Variants in EYA4 observed in about 807,000 individuals in gnomAD.
The protein encoded by EYA4 is protein phosphatase EYA4.
In EYA4, 31 loss-of-function variants were observed where a neutral mutation model predicts 87.9. That is an observed-to-expected ratio of 0.35 (90% CI 0.27 to 0.48). The LOEUF (loss-of-function observed/expected upper bound fraction) is 0.48, where lower values mean the gene tolerates loss of function less well. Among genes scored for constraint, EYA4 ranks in the 20% least tolerant of loss-of-function variants. EYA4 has a pLI of 0.99. For missense variants in EYA4, 678 were observed against 761.4 expected (o/e 0.89, Z 1.29); for synonymous variants, 263 against 270.6 (o/e 0.97, Z 0.28).
At chr6:133,334,399 T>TTTCAATGTGATTTGTTCATTTGCAG (rs1782208700) in intron 2 of EYA4, among the ~76,000 whole-genome samples, 2 of 152,228 alleles carry the variant, frequency 1.3e-5, no homozygotes. Context: ...GGAACTTTTC[T>TTTCAATGTGATTTGTTCATTTGCAG]TTCAATGTGA....
At chr6:133,441,528 G>A (rs1291692515) in intron 3 of EYA4, among the ~76,000 whole-genome samples, 6 of 152,192 alleles carry the variant, frequency 3.9e-5, no homozygotes, top group Admixed American at 3.9e-4. Flanking sequence ...CAGAGGGAAA[G>A]GGGTTCTTAC....
intron 13 of EYA4, among the ~76,000 whole-genome samples, chr6:133,483,580 C>G (rs1452471029): frequency 6.6e-6 from 1 of 151,780 alleles, no homozygotes. Flanking sequence ...CACATATGAA[C>G]AGCAACCGAG....
chr6:133,417,562 G>A (rs899979254), intron 3 of EYA4, among the ~76,000 whole-genome samples: 4 of 152,046 alleles, frequency 2.6e-5, no homozygotes, highest in African/African-American at 9.7e-5. Context: ...TTTGTACTTG[G>A]TAGTTAGAAT....
chr6:133,407,195 A>G (rs1465530873), intron 3 of EYA4, among the ~76,000 whole-genome samples: 1 of 151,462 alleles, frequency 6.6e-6, no homozygotes, highest in Non-Finnish European at 1.5e-5. Context: ...CAGTTTATCA[A>G]CCACTTGTTA....
intron 3 of EYA4, among the ~76,000 whole-genome samples, chr6:133,385,298 C>T (rs1412353316): frequency 2.8e-5 from 3 of 106,658 alleles, no homozygotes; most frequent in East Asian, 5.2e-4. Flanking sequence ...GACTCTGTCT[C>T]AAAAAAAAAA....
chr6:133,303,154 A>C (rs1779542809), intron 2 of EYA4, among the ~76,000 whole-genome samples: 1 of 152,216 alleles, frequency 6.6e-6, no homozygotes, highest in African/African-American at 2.4e-5. Flanking sequence ...ATAATGATGC[A>C]GGCTTACACT....
At chr6:133,251,855 G>T (rs369673521) in intron 1 of EYA4, among the ~76,000 whole-genome samples, 5 of 152,244 alleles carry the variant, frequency 3.3e-5, no homozygotes, top group African/African-American at 1.2e-4. Flanking sequence ...CTGCATAAGA[G>T]GATTGTTCTA....
chr6:133,324,409 T>A (rs942875299), intron 2 of EYA4, among the ~76,000 whole-genome samples: 13 of 152,312 alleles, frequency 8.5e-5, no homozygotes, highest in East Asian at 3.9e-4. Context: ...TTGTTTGTTT[T>A]CTGGGGTTAC....
At chr6:133,358,440 A>G (rs1408357319) in intron 2 of EYA4, among the ~76,000 whole-genome samples, 3 of 152,236 alleles carry the variant, frequency 2.0e-5, no homozygotes, top group Non-Finnish European at 4.4e-5. Context: ...TTTGTTGGAA[A>G]TGCATCTATA....
chr6:133,354,266 A>G (rs138153607), intron 2 of EYA4, among the ~76,000 whole-genome samples: 1 of 152,180 alleles, frequency 6.6e-6, no homozygotes, highest in Non-Finnish European at 1.5e-5. Flanking sequence ...TATGAATTCC[A>G]GAGAGGTGGA....
chr6:133,301,503 A>G (rs1251745266), intron 2 of EYA4, among the ~76,000 whole-genome samples: 1 of 152,244 alleles, frequency 6.6e-6, no homozygotes, highest in African/African-American at 2.4e-5. Flanking sequence ...GTGAATGAAA[A>G]TAGCTGCACA....
chr6:133,396,974 G>A (rs1005052117), intron 3 of EYA4, among the ~76,000 whole-genome samples: 1 of 152,300 alleles, frequency 6.6e-6, no homozygotes, highest in East Asian at 1.9e-4. Context: ...GGAAGATACT[G>A]TGTATCCTAA....
At chr6:133,437,760 A>C (rs992727603) in intron 3 of EYA4, among the ~76,000 whole-genome samples, 5 of 152,174 alleles carry the variant, frequency 3.3e-5, no homozygotes, top group Non-Finnish European at 7.3e-5. Flanking sequence ...CACAGGAGGA[A>C]CTACCAAACA....
At chr6:133,447,872 T>C (rs1478084311) in intron 4 of EYA4, among the ~76,000 whole-genome samples, 1 of 152,180 alleles carries the variant, frequency 6.6e-6, no homozygotes, top group African/African-American at 2.4e-5. Context: ...TTAAATTGGG[T>C]ACAAATAATA....
rs1776920358 is a variant in EYA4, at chr6:133,273,632, TTAAATC to T, written c.-65-1078_-65-1073del. On this transcript the variant is annotated intron_variant, in intron 1 of 19. Transcript: ENST00000355286. ...ATGTTCATCTATGATGAACAACTTT[TTAAATC>T]TAAATTGTTTTTATTATAATCTTTT... 2.0e-5 allele frequency among the ~76,000 whole-genome samples: 3 copies of T among 152,258 alleles called. No homozygotes were observed. In the South Asian group the frequency reaches 6.2e-4, roughly 31 times the overall value.
At chr6:133,489,691 A>G (rs540555380) in intron 13 of EYA4, among the ~76,000 whole-genome samples, 10 of 152,286 alleles carry the variant, frequency 6.6e-5, no homozygotes, top group African/African-American at 1.9e-4. Flanking sequence ...TGAAGGAGAA[A>G]TACTTTCCCA....
At chr6:133,385,498 T>C (rs1358290667) in intron 3 of EYA4, among the ~76,000 whole-genome samples, 1 of 151,032 alleles carries the variant, frequency 6.6e-6, no homozygotes. Context: ...GGTAGTTTTA[T>C]TCTAAACAAA....
intron 1 of EYA4, chr6:133,246,879 C>T (rs555149764): frequency 6.6e-6 from 1 of 152,158 alleles, no homozygotes; most frequent in South Asian, 2.1e-4. Flanking sequence ...GAAGCTGAGA[C>T]CCAGTCATGC....
At chr6:133,266,418 G>A (rs545307971) in intron 1 of EYA4, among the ~76,000 whole-genome samples, 9 of 152,246 alleles carry the variant, frequency 5.9e-5, no homozygotes, top group African/African-American at 2.2e-4. Context: ...AAATCTGCCA[G>A]CACCTTGATT....
Sources: allele counts gnomAD v4.1 joint callset (sites outside exome capture counted in the v4.1 genomes callset), GRCh38; gene constraint gnomAD v4.1.1; transcripts MANE v1.5; gene names NCBI Gene and HGNC (gene_info 2026-07-23, HGNC 2026-07-21).